The following NAPEPLD variants were observed in gnomAD, a reference collection of about 807,000 sequenced individuals.
NAPEPLD encodes N-acyl-phosphatidylethanolamine-hydrolyzing phospholipase D.
NAPEPLD carries 23 observed loss-of-function variants against 38.1 expected under a neutral mutation model. The observed-to-expected ratio is 0.60, with a 90% CI of 0.43 to 0.86. The LOEUF is 0.86. NAPEPLD is among the 40% of genes least tolerant of loss of function. The pLI is 0.00. For missense variants in NAPEPLD, 411 were observed against 476.8 expected (o/e 0.86, Z 1.28); for synonymous variants, 147 against 162.0 (o/e 0.91, Z 0.71).
At chr7:103,138,851 C>T (rs1476945470) in intron 1 of NAPEPLD, among the ~76,000 whole-genome samples, 1 of 152,202 alleles carries the variant, frequency 6.6e-6, no homozygotes, top group African/African-American at 2.4e-5. Context: ...GGATGTATCT[C>T]TAAAGTCTCT....
intron 1 of NAPEPLD, among the ~76,000 whole-genome samples, chr7:103,130,687 C>T (rs2015289): frequency 0.89 from 135,877 of 152,148 alleles, 62,655 homozygotes; most frequent in East Asian, 1. Flanking sequence ...CTCAACCTCC[C>T]GGGGCTCAGG....
In NAPEPLD at chr7:103,120,095, C is replaced by T; in HGVS notation, c.423G>A (p.Glu141=). Residue 141 remains glutamate (E), a synonymous_variant, in exon 3 of 5, where the codon GAG becomes GAA. Transcript: ENST00000465647. ...AGATGGGATCCGTGAGAAATATGAG[C>T]TCATCCATTTCCACCATTACCGTGG... ...GHATVMVEMD[E]LIFLTDPIFS... 6.2e-7 allele frequency: 1 copy of T among 1,614,164 alleles called. No individual in the cohort carries two copies. Among genetic ancestry groups the T allele is most frequent in the South Asian group, 1.1e-5 (1 of 91,086 alleles).
Position 103,103,305 on chromosome 7 carries a change from T to C in NAPEPLD, c.*124A>G. 1 of 1,196,032 alleles carries C rather than the reference T, an allele frequency of 8.4e-7. No individual in the cohort carries two copies. The highest frequency in any genetic ancestry group is 1.2e-6 in the Non-Finnish European group (1 of 862,746). 74.1% of individuals were successfully genotyped at this position (1,196,032 alleles called of 1,614,324 possible). A position where few individuals can be genotyped will look rare whatever the true frequency, so the allele number is the denominator to read the frequency against. On this transcript the variant is annotated 3_prime_UTR_variant, in exon 5 of 5. Transcript: ENST00000465647. ...AAGTTATTACACAAAACATAAAACA[T>C]AAACTTGCAGAAGTTGTTTCCAAAT...
chr7:103,147,925 TCTC>T (rs1036824801), intron 1 of NAPEPLD: 3 of 934,706 alleles, frequency 3.2e-6, no homozygotes, highest in Non-Finnish European at 3.8e-6. Context: ...CCCCTCAATC[TCTC>T]CTTAAATTAT....
At chr7:103,108,401 A>G (rs1803845554) in intron 4 of NAPEPLD, among the ~76,000 whole-genome samples, 1 of 152,160 alleles carries the variant, frequency 6.6e-6, no homozygotes, top group Non-Finnish European at 1.5e-5. Context: ...TCAGCCTCCA[A>G]AAGTGCTGGG....
At chr7:103,120,350 A>C (rs771021856) in intron 2 of NAPEPLD, 127 bp from the exon 3 acceptor site, 1 of 983,550 alleles carries the variant, frequency 1.0e-6, no homozygotes, top group Non-Finnish European at 1.4e-6. Context: ...TCATTCAATA[A>C]ACTTGCTACA....
intron 1 of NAPEPLD, among the ~76,000 whole-genome samples, chr7:103,131,490 C>A (rs1291293144): frequency 6.6e-6 from 1 of 152,072 alleles, no homozygotes; most frequent in Non-Finnish European, 1.5e-5. Flanking sequence ...GAAACCCTGT[C>A]TCTACTAAAA....
intron 3 of NAPEPLD, 67 bp downstream of exon 3, chr7:103,119,510 T>C (rs1303352079): frequency 2.6e-6 from 4 of 1,511,042 alleles, no homozygotes; most frequent in African/African-American, 2.8e-5. Context: ...AAAATCATAA[T>C]TGCTTTACTT....
At position 103,146,664 on chromosome 7, in the gene NAPEPLD, T is replaced by TG. The variant is rs1812622980; in HGVS notation, c.-17+2146dup. 2.0e-5 allele frequency among the ~76,000 whole-genome samples: 3 copies of TG among 152,328 alleles called. No individual in the cohort carries two copies. In the South Asian group the frequency reaches 6.2e-4, roughly 32 times the overall value. ...CCTGTGCCTCCAGAGCCAACAGCAC[T>TG]GGCCATTCACAACCTGTTACCCACA... is the stretch of plus-strand genomic sequence containing the variant. On this transcript the variant is annotated intron_variant, in intron 1 of 4. Coordinates refer to ENST00000465647, the MANE Select transcript of NAPEPLD (RefSeq NM_001122838.3).
chr7:103,149,270 C>G, upstream of NAPEPLD: 2 of 1,031,802 alleles, frequency 1.9e-6, no homozygotes, highest in South Asian at 3.0e-5. Context: ...CGCGGGGGTG[C>G]GGACTCACCT....
intron 4 of NAPEPLD, among the ~76,000 whole-genome samples, chr7:103,113,799 T>G (rs190425592): frequency 3.4e-4 from 52 of 151,482 alleles, no homozygotes; most frequent in African/African-American, 1.2e-3. Context: ...CCCAGCTAAT[T>G]TTATTAGAGA....
intron 1 of NAPEPLD, among the ~76,000 whole-genome samples, chr7:103,145,430 A>C (rs1812331991): frequency 6.6e-6 from 1 of 152,256 alleles, no homozygotes. Flanking sequence ...ACACTATATG[A>C]GGAAAGATTG....
At chr7:103,137,981 TTTC>T (rs1365407141) in intron 1 of NAPEPLD, among the ~76,000 whole-genome samples, 1 of 24,658 alleles carries the variant, frequency 4.1e-5, no homozygotes, top group Admixed American at 7.9e-4. Context: ...TTTTGCTTTT[TTTC>T]TTTTTTTTTT....
chr7:103,141,997 C>G, intron 1 of NAPEPLD: 1 of 673,016 alleles, frequency 1.5e-6, no homozygotes, highest in African/African-American at 1.8e-5. Context: ...TTAAACTACA[C>G]CAGAGGCTAC....
At chr7:103,147,247 T>C (rs1229606483) in intron 1 of NAPEPLD, among the ~76,000 whole-genome samples, 1 of 152,266 alleles carries the variant, frequency 6.6e-6, no homozygotes, top group African/African-American at 2.4e-5. Flanking sequence ...GATATTTTAA[T>C]GCCAGTTTTA....
rs770566639 is a variant in NAPEPLD, at chr7:103,101,651, C to A, written c.*1778G>T. 1 of 152,490 alleles carries A rather than the reference C, an allele frequency of 6.6e-6. No individual in the cohort carries two copies. The highest frequency in any genetic ancestry group is 2.4e-5 in the African/African-American group (1 of 41,414). 9.4% of individuals were successfully genotyped at this position (152,490 alleles called of 1,614,324 possible). On this transcript the variant is annotated 3_prime_UTR_variant, in exon 5 of 5. Transcript: ENST00000465647. ...ATCTACACATTTTTCAGAGGTAGGTCGGAATTATCCTCTTGTTGCAAATGA... is the reference window on the plus strand; with the variant it reads ...ATCTACACATTTTTCAGAGGTAGGTAGGAATTATCCTCTTGTTGCAAATGA...
At chr7:103,113,646 CT>C (rs1563349501) in intron 4 of NAPEPLD, among the ~76,000 whole-genome samples, 16 of 10,948 alleles carry the variant, frequency 1.5e-3, no homozygotes, top group Non-Finnish European at 1.7e-3. Flanking sequence ...TTTTTTTTTT[CT>C]CAAGACAGAG....
intron 4 of NAPEPLD, among the ~76,000 whole-genome samples, chr7:103,104,424 C>A (rs916324267): frequency 6.6e-6 from 1 of 152,158 alleles, no homozygotes; most frequent in South Asian, 2.1e-4. Context: ...TCAGAGCAAG[C>A]GGAGAGGAGG....
At chr7:103,126,349 C>T (rs1371693274) in intron 2 of NAPEPLD, among the ~76,000 whole-genome samples, 1 of 152,188 alleles carries the variant, frequency 6.6e-6, no homozygotes, top group Non-Finnish European at 1.5e-5. Flanking sequence ...TGCACTCAAT[C>T]AACAGATAAA....
Sources: gnomAD v4.1 joint callset for allele counts (sites outside exome capture counted in the v4.1 genomes callset) on GRCh38, gnomAD v4.1.1 for gene constraint, MANE v1.5 for transcripts, NCBI Gene and HGNC (gene_info 2026-07-23, HGNC 2026-07-21) for gene names.